Variants in ABI1 observed in about 807,000 individuals in gnomAD.
ABI1 encodes Abelson interactor 1.
In ABI1, 14 loss-of-function variants were observed where a neutral mutation model predicts 54.6. The observed-to-expected ratio is 0.26, with a 90% CI of 0.17 to 0.40. The LOEUF (loss-of-function observed/expected upper bound fraction) is 0.40, where lower values mean the gene tolerates loss of function less well. ABI1 is among the 10% of genes least tolerant of loss of function. The pLI, the probability that ABI1 is intolerant of heterozygous loss-of-function variation, is 1.00. For missense variants in ABI1, 443 were observed against 598.3 expected, an observed-to-expected ratio of 0.74 and a Z score of 2.71; for synonymous variants, 194 against 209.3, an observed-to-expected ratio of 0.93 and a Z score of 0.63.
chr10:26,778,250 A>T (rs969879566), intron 2 of ABI1, among the ~76,000 whole-genome samples: 4 of 152,214 alleles, frequency 2.6e-5, no homozygotes, highest in African/African-American at 4.8e-5. Context: ...TTGCCAACTT[A>T]AAACTGGATA....
At chr10:26,788,096 G>T (rs932001693) in intron 2 of ABI1, among the ~76,000 whole-genome samples, 1 of 152,078 alleles carries the variant, frequency 6.6e-6, no homozygotes, top group Admixed American at 6.6e-5. Context: ...TCACGGGGTC[G>T]GTTTCCCTCA....
intron 2 of ABI1, among the ~76,000 whole-genome samples, chr10:26,808,431 C>T (rs597171): frequency 0.99 from 151,386 of 152,266 alleles, 75,263 homozygotes; most frequent in Middle Eastern, 1. Flanking sequence ...GGATGGCGGG[C>T]TGGTGTGTAT....
chr10:26,776,942 A>T, intron 3 of ABI1, 123 bp downstream of exon 3: 1 of 882,122 alleles, frequency 1.1e-6, no homozygotes, highest in South Asian at 2.3e-5. Flanking sequence ...TAAATATTGT[A>T]TGAAAATTAT....
chr10:26,860,687 C>G lies in ABI1; in HGVS notation c.117+60G>C, dbSNP rs2051238424. On this transcript the variant is annotated intron_variant, in intron 1 of 10. Transcript: ENST00000376140. The surrounding 1 kb of genome is among the most constrained non-coding windows in gnomAD (Gnocchi z 4.1). ...GCAGTTCCCCACCCCGCCCAGTGGG[C>G]TGGTCACTCCGGCGGGTCCTCGACC... 2 of 1,374,916 alleles carry G rather than the reference C, an allele frequency of 1.5e-6. No individual in the cohort carries two copies. Among genetic ancestry groups the G allele is most frequent in the African/African-American group, 2.8e-5 (2 of 70,284 alleles). 85.2% of individuals were successfully genotyped at this position (1,374,916 alleles called of 1,614,324 possible).
intron 2 of ABI1, among the ~76,000 whole-genome samples, chr10:26,793,569 T>C (rs183999320): frequency 1.3e-5 from 2 of 152,358 alleles, no homozygotes; most frequent in Admixed American, 1.3e-4. Flanking sequence ...TTTTTAGTAC[T>C]TCCCATGACA....
chr10:26,852,787 T>C (rs1440756262), intron 1 of ABI1, among the ~76,000 whole-genome samples: 1 of 151,502 alleles, frequency 6.6e-6, no homozygotes, highest in African/African-American at 2.4e-5. Flanking sequence ...TTTTTGCTGG[T>C]CGGGCATGGT....
intron 6 of ABI1, among the ~76,000 whole-genome samples, chr10:26,766,987 A>G (rs1266933082): frequency 2.0e-5 from 3 of 152,190 alleles, no homozygotes; most frequent in African/African-American, 7.2e-5. Flanking sequence ...AACCATATAT[A>G]TGGCCCACGA....
chr10:26,858,221 C>T (rs1484791942), intron 1 of ABI1, among the ~76,000 whole-genome samples: 1 of 152,080 alleles, frequency 6.6e-6, no homozygotes, highest in Non-Finnish European at 1.5e-5. Flanking sequence ...AATCAGGTCA[C>T]AGGAAGGATA....
chr10:26,798,730 G>A (rs1258785244), intron 2 of ABI1, among the ~76,000 whole-genome samples: 1 of 151,796 alleles, frequency 6.6e-6, no homozygotes, highest in African/African-American at 2.4e-5. Flanking sequence ...AAGTTTTCAG[G>A]TTCAAAAAGT....
intron 1 of ABI1, among the ~76,000 whole-genome samples, chr10:26,832,276 G>A (rs943588067): frequency 2.6e-5 from 4 of 151,996 alleles, no homozygotes; most frequent in Non-Finnish European, 5.9e-5. Flanking sequence ...TCAATTTAAC[G>A]GCCTTTTAAA....
chr10:26,827,662 G>A (rs999486856), intron 1 of ABI1, among the ~76,000 whole-genome samples: 5 of 147,656 alleles, frequency 3.4e-5, no homozygotes. Flanking sequence ...GAGTGATCTC[G>A]GCTCACTGCA....
At chr10:26,843,947 A>G (rs1189545489) in intron 1 of ABI1, among the ~76,000 whole-genome samples, 3 of 152,172 alleles carry the variant, frequency 2.0e-5, no homozygotes, top group African/African-American at 4.8e-5. Flanking sequence ...TGATTATGCC[A>G]AACGTGTCTA....
chr10:26,850,236 T>C (rs1198905938), intron 1 of ABI1, among the ~76,000 whole-genome samples: 1 of 152,240 alleles, frequency 6.6e-6, no homozygotes, highest in Non-Finnish European at 1.5e-5. Context: ...TTTGGAAAAC[T>C]AAGGTTACAT....
At chr10:26,760,966 A>G (rs1839069951) in intron 7 of ABI1, among the ~76,000 whole-genome samples, 1 of 150,536 alleles carries the variant, frequency 6.6e-6, no homozygotes, top group African/African-American at 2.4e-5. Flanking sequence ...TATTTTGGGT[A>G]AAGAGTCTGA....
intron 9 of ABI1, among the ~76,000 whole-genome samples, chr10:26,754,142 A>G (rs1051896875): frequency 2.0e-5 from 3 of 152,088 alleles, no homozygotes; most frequent in African/African-American, 7.2e-5. Flanking sequence ...CTATCTATCC[A>G]TCCATCCATG....
intron 2 of ABI1, among the ~76,000 whole-genome samples, chr10:26,799,229 G>A (rs897299893): frequency 6.6e-6 from 1 of 151,632 alleles, no homozygotes. Context: ...GAAAAAAACT[G>A]CAAGAATAAA....
chr10:26,849,587 C>A lies in ABI1; in HGVS notation c.117+11160G>T, dbSNP rs1325055462. The stretch of plus-strand genomic sequence containing the variant: ...ACTTCAAAAACAACTGATAGGTAAA[C>A]TAAGATTATTTAGACTTGAGCATTT... On this transcript the variant is annotated intron_variant, in intron 1 of 10. Transcript: ENST00000376140. 3.3e-5 allele frequency among the ~76,000 whole-genome samples: 5 copies of A among 152,172 alleles called. No individual in the cohort carries two copies. The East Asian group carries it at 9.6e-4, about 29-fold the overall frequency.
intron 7 of ABI1, among the ~76,000 whole-genome samples, chr10:26,762,633 A>G (rs921270169): frequency 5.3e-5 from 8 of 152,212 alleles, no homozygotes; most frequent in African/African-American, 1.9e-4. Flanking sequence ...TTTCATTAGG[A>G]GTCAAAGCAA....
chr10:26,846,625 G>A (rs980598361), intron 1 of ABI1, among the ~76,000 whole-genome samples: 26 of 152,028 alleles, frequency 1.7e-4, no homozygotes, highest in African/African-American at 5.8e-4. Context: ...TTACAGGCAG[G>A]AGCCACTGCG....
Sources: allele counts gnomAD v4.1 joint callset (sites outside exome capture counted in the v4.1 genomes callset), GRCh38; gene constraint gnomAD v4.1.1; non-coding constraint Gnocchi (gnomAD v3.1); transcripts MANE v1.5; gene names NCBI Gene and HGNC (gene_info 2026-07-23, HGNC 2026-07-21).